Variants in BRWD3 observed in about 807,000 individuals in gnomAD.
BRWD3 encodes the protein bromodomain and WD repeat-containing protein 3.
BRWD3 carries 10 observed loss-of-function variants against 149.7 expected under a neutral mutation model. The observed-to-expected ratio is 0.07, with a 90% confidence interval of 0.04 to 0.11. BRWD3 has a LOEUF of 0.11. BRWD3 is among the 10% of genes least tolerant of loss of function. BRWD3 has a pLI of 1.00. For missense variants in BRWD3, 940 were observed against 1,373.2 expected (o/e 0.68, Z 4.99); for synonymous variants, 504 against 456.7 (o/e 1.10, Z -1.32).
chrX:80,717,334 T>C (rs954695026), intron 19 of BRWD3: 12 of 393,136 alleles, frequency 3.1e-5, no homozygotes, highest in Non-Finnish European at 4.0e-5. Flanking sequence ...ATCTAGGCTA[T>C]AAACTCAGAA....
intron 16 of BRWD3, 149 bp from the exon 17 acceptor site, chrX:80,722,936 G>A: frequency 2.0e-6 from 1 of 499,070 alleles, no homozygotes; most frequent in Non-Finnish European, 3.5e-6. Flanking sequence ...CCTTTAGGTA[G>A]AAGAGAATTG....
At chrX:80,732,462 C>G (rs766094364) in intron 12 of BRWD3, among the ~76,000 whole-genome samples, 1 of 110,673 alleles carries the variant, frequency 9.0e-6, no homozygotes, top group South Asian at 3.8e-4. Flanking sequence ...CAACTAAAAG[C>G]TGGAACATTC....
intron 40 of BRWD3, among the ~76,000 whole-genome samples, chrX:80,678,742 G>C (rs2072403890): frequency 9.0e-6 from 1 of 111,333 alleles, no homozygotes; most frequent in Non-Finnish European, 1.9e-5. Context: ...GAGCAGACTG[G>C]AAGAATTGAA....
At chrX:80,764,339 TCTGTTGCC>T (rs774237023) in intron 6 of BRWD3, among the ~76,000 whole-genome samples, 1 of 111,750 alleles carries the variant, frequency 8.9e-6, no homozygotes, top group Non-Finnish European at 1.9e-5. Flanking sequence ...GGAGTCTCGC[TCTGTTGCC>T]CAGGCTAGAG....
intron 31 of BRWD3, 65 bp from the exon 32 acceptor site, chrX:80,690,157 CA>C: frequency 9.3e-7 from 1 of 1,075,877 alleles, no homozygotes; most frequent in Non-Finnish European, 1.3e-6. Flanking sequence ...TAGGAATATA[CA>C]ATATGGAACA....
intron 22 of BRWD3, among the ~76,000 whole-genome samples, chrX:80,705,652 C>T (rs186643476): frequency 9.0e-6 from 1 of 111,676 alleles, no homozygotes; most frequent in African/African-American, 3.3e-5. Flanking sequence ...ATAGGTAGAA[C>T]CTAATGCTCC....
intron 6 of BRWD3, among the ~76,000 whole-genome samples, chrX:80,752,476 A>G (rs1041345444): frequency 1.8e-5 from 2 of 111,671 alleles, no homozygotes; most frequent in Admixed American, 1.9e-4. Flanking sequence ...AGAAATCTCC[A>G]TACTATTTAC....
At chrX:80,714,189 A>G (rs1364900078) in intron 20 of BRWD3, among the ~76,000 whole-genome samples, 1 of 107,767 alleles carries the variant, frequency 9.3e-6, no homozygotes. Flanking sequence ...CATCTGCATA[A>G]TAAGAATCTT....
chrX:80,736,096 A>G lies in BRWD3; in HGVS notation c.814-8T>C. The G allele has an allele frequency of 8.9e-7, 1 of 1,129,648 alleles. No homozygotes were observed. The highest frequency in any genetic ancestry group is 1.2e-6 in the Non-Finnish European group (1 of 829,348). 93.1% of individuals were successfully genotyped at this position (1,129,648 alleles called of 1,213,427 possible). ...TTTAGTTGATGGACAAAACTTAAAA[A>G]AAAAAAAATCTGATTCAAATAAAAA... On this transcript the variant is annotated splice_polypyrimidine_tract_variant and splice_region_variant and intron_variant, in intron 8 of 40. Coordinates refer to ENST00000373275, the MANE Select transcript of BRWD3 (RefSeq NM_153252.5).
Position 80,749,595 on chromosome X carries a change from T to TACA in BRWD3, c.431-3867_431-3866insTGT, listed in dbSNP as rs1036948430. Among the ~76,000 whole-genome samples, 7 of 111,347 alleles carry TACA rather than the reference T, an allele frequency of 6.3e-5. No homozygotes were observed. The Admixed American group carries it at 6.7e-4, about 11-fold the overall frequency. On this transcript the variant is annotated intron_variant, in intron 6 of 40. Coordinates refer to ENST00000373275, the MANE Select transcript of BRWD3 (RefSeq NM_153252.5). ...GTGTCCTTAGAGATGATGAGTCTCC[T>TACA]GTAGGCAGCATATTATTGGGTCATG...
At chrX:80,712,743 G>A (rs2072999947) in intron 20 of BRWD3, among the ~76,000 whole-genome samples, 1 of 109,589 alleles carries the variant, frequency 9.1e-6, no homozygotes, top group African/African-American at 3.3e-5. Flanking sequence ...GAGATGTGGG[G>A]AGCGCCTCTG....
intron 15 of BRWD3, 55 bp from the exon 16 acceptor site, chrX:80,723,931 AG>A (rs2073185689): frequency 5.3e-6 from 6 of 1,132,955 alleles, no homozygotes; most frequent in Non-Finnish European, 7.2e-6. Flanking sequence ...AATAATAGAT[AG>A]GCGGTAACTT....
At chrX:80,687,279 G>A (rs1305210813) in intron 34 of BRWD3, among the ~76,000 whole-genome samples, 2 of 111,010 alleles carry the variant, frequency 1.8e-5, no homozygotes, top group African/African-American at 3.3e-5. Context: ...AGGAACAAAT[G>A]CTTCTTTCCT....
At chrX:80,719,129 T>C (rs1352622928) in intron 18 of BRWD3, among the ~76,000 whole-genome samples, 1 of 110,592 alleles carries the variant, frequency 9.0e-6, no homozygotes, top group Non-Finnish European at 1.9e-5. Flanking sequence ...GAATTGGTAG[T>C]AATTTCTAAA....
chrX:80,685,411 T>C (rs1602302774), intron 36 of BRWD3, 51 bp downstream of exon 36: 1 of 1,050,113 alleles, frequency 9.5e-7, no homozygotes, highest in East Asian at 3.1e-5. Flanking sequence ...GTATGGAGAG[T>C]TTAGAAAGTA....
intron 6 of BRWD3, among the ~76,000 whole-genome samples, chrX:80,781,819 C>A (rs940629652): frequency 9.1e-6 from 1 of 110,323 alleles, no homozygotes; most frequent in African/African-American, 3.3e-5. Flanking sequence ...AGAAAGATCT[C>A]TACAATGAAA....
intron 6 of BRWD3, among the ~76,000 whole-genome samples, chrX:80,768,434 T>A (rs1221441090): frequency 9.0e-6 from 1 of 111,647 alleles, no homozygotes; most frequent in Non-Finnish European, 1.9e-5. Flanking sequence ...TTCAACATTC[T>A]TAAAGAAAAG....
intron 16 of BRWD3, 24 bp from the exon 17 acceptor site, chrX:80,722,811 T>C: frequency 8.9e-7 from 1 of 1,124,542 alleles, no homozygotes; most frequent in Non-Finnish European, 1.2e-6. Flanking sequence ...TTTTAGTGGG[T>C]TAACATACAC....
chrX:80,691,797 C>T, intron 30 of BRWD3, 26 bp downstream of exon 30: 1 of 1,210,089 alleles, frequency 8.3e-7, no homozygotes. Flanking sequence ...TTGCATGCTC[C>T]TAAAATTTTT....
Sources: allele counts gnomAD v4.1 joint callset (sites outside exome capture counted in the v4.1 genomes callset), GRCh38; gene constraint gnomAD v4.1.1; transcripts MANE v1.5; gene names NCBI Gene and HGNC (gene_info 2026-07-23, HGNC 2026-07-21).